The following FHIP1A variants were observed in gnomAD, a reference collection of about 807,000 sequenced individuals.
The protein encoded by FHIP1A is FHF complex subunit HOOK interacting protein 1A, also known as FHF complex subunit HOOK-interacting protein 1A.
A neutral mutation model predicts 88.6 loss-of-function variants in FHIP1A; 61 were observed. The ratio of observed to expected loss-of-function variants is 0.69; its 90% CI spans 0.56 to 0.85. The LOEUF (loss-of-function observed/expected upper bound fraction) is 0.85, where lower values mean the gene tolerates loss of function less well. Among genes scored for constraint, FHIP1A ranks in the 40% least tolerant of loss-of-function variants. FHIP1A has a pLI of 0.00. For synonymous variants in FHIP1A, 478 were observed against 496.0 expected (o/e 0.96, Z 0.48); for missense variants, 1,154 against 1,273.5 (o/e 0.91, Z 1.43).
chr4:151,524,566 C>T (rs1240054789), intron 3 of FHIP1A, among the ~76,000 whole-genome samples: 1 of 152,166 alleles, frequency 6.6e-6, no homozygotes, highest in African/African-American at 2.4e-5. Context: ...GCTGTGCTCT[C>T]AACTTAAAGT....
chr4:151,467,596 T>TGGA (rs1729367606), intron 2 of FHIP1A, among the ~76,000 whole-genome samples: 1 of 152,108 alleles, frequency 6.6e-6, no homozygotes, highest in African/African-American at 2.4e-5. Context: ...AGTGATGGAC[T>TGGA]GGATAAAGAA....
At chr4:151,453,065 G>A (rs904615403) in intron 1 of FHIP1A, among the ~76,000 whole-genome samples, 1 of 151,434 alleles carries the variant, frequency 6.6e-6, no homozygotes, top group South Asian at 2.1e-4. Context: ...TGCCCAGGCT[G>A]GAGTACAGTG....
At chr4:151,493,342 G>A (rs1730349914) in intron 3 of FHIP1A, among the ~76,000 whole-genome samples, 1 of 152,010 alleles carries the variant, frequency 6.6e-6, no homozygotes, top group South Asian at 2.1e-4. Flanking sequence ...TAAAAAAATT[G>A]CCAACAAATA....
At chr4:151,588,810 CT>C in intron 6 of FHIP1A, 29 bp from the exon 7 acceptor site, 4 of 1,400,790 alleles carry the variant, frequency 2.9e-6, no homozygotes, top group Non-Finnish European at 4.0e-6. Flanking sequence ...AACTCTTTGC[CT>C]TTTTCATGCC....
Position 151,428,794 on chromosome 4 carries a change from CT to C in FHIP1A, c.-356+19332del, listed in dbSNP as rs537971000. On this transcript the variant is annotated intron_variant, in intron 1 of 13. Transcript: ENST00000435205. ...TTTCTCTTTTAAAAAGTTGCAGAGC[CT>C]TTGCACACACTGTTGACCATACTTG... is the stretch of plus-strand genomic sequence containing the variant. Among the ~76,000 whole-genome samples, 82 of 152,246 alleles carry C rather than the reference CT, an allele frequency of 5.4e-4. No individual in the cohort carries two copies. In the East Asian group the frequency reaches 0.015, roughly 28 times the overall value.
chr4:151,621,582 TG>T (rs1325638021), intron 7 of FHIP1A, among the ~76,000 whole-genome samples: 2 of 11,404 alleles, frequency 1.8e-4, no homozygotes, highest in African/African-American at 7.2e-4. Context: ...GGGGAGGAGT[TG>T]GGGGGGTTGC....
chr4:151,645,846 G>A (rs1452300160), intron 9 of FHIP1A, among the ~76,000 whole-genome samples: 1 of 151,946 alleles, frequency 6.6e-6, no homozygotes, highest in Non-Finnish European at 1.5e-5. Context: ...CTTGTCCCCA[G>A]GTTCAAAATG....
chr4:151,478,262 A>G (rs1729778088), intron 2 of FHIP1A, among the ~76,000 whole-genome samples: 1 of 152,180 alleles, frequency 6.6e-6, no homozygotes, highest in South Asian at 2.1e-4. Context: ...TATTTGTGTA[A>G]AAAACATTTA....
intron 1 of FHIP1A, among the ~76,000 whole-genome samples, chr4:151,422,979 CTTCTG>C (rs1421075171): frequency 6.6e-6 from 1 of 152,110 alleles, no homozygotes; most frequent in African/African-American, 2.4e-5. Flanking sequence ...TCCTAAAGGC[CTTCTG>C]TTCTGCTTTC....
chr4:151,414,300 G>T (rs780436662), intron 1 of FHIP1A, among the ~76,000 whole-genome samples: 2 of 152,080 alleles, frequency 1.3e-5, no homozygotes, highest in African/African-American at 4.8e-5. Flanking sequence ...TGATCTGCCC[G>T]CCTCGGCCTC....
intron 1 of FHIP1A, among the ~76,000 whole-genome samples, chr4:151,445,545 C>T (rs1728567590): frequency 6.6e-6 from 1 of 151,836 alleles, no homozygotes; most frequent in Non-Finnish European, 1.5e-5. Context: ...CCCTATCCTC[C>T]AGGAGTCACC....
chr4:151,436,234 AC>A (rs1229121277), intron 1 of FHIP1A, among the ~76,000 whole-genome samples: 3 of 152,152 alleles, frequency 2.0e-5, no homozygotes, highest in Non-Finnish European at 4.4e-5. Flanking sequence ...GCCCCACTCA[AC>A]CTTAGCACTG....
intron 3 of FHIP1A, among the ~76,000 whole-genome samples, chr4:151,524,301 CAA>C (rs5862962): frequency 1.3e-3 from 171 of 136,568 alleles, no homozygotes; most frequent in East Asian, 3.0e-3. Flanking sequence ...GAATCTGTCT[CAA>C]AAAAAAAAAA....
chr4:151,641,359 TG>T (rs1398654522), intron 9 of FHIP1A, among the ~76,000 whole-genome samples: 1 of 152,206 alleles, frequency 6.6e-6, no homozygotes, highest in Admixed American at 6.5e-5. Flanking sequence ...TTTTGGAGTA[TG>T]CCACCTCATA....
chr4:151,548,119 T>A (rs1732578240), intron 3 of FHIP1A, among the ~76,000 whole-genome samples: 1 of 152,128 alleles, frequency 6.6e-6, no homozygotes, highest in Non-Finnish European at 1.5e-5. Flanking sequence ...TGGGTCTCCA[T>A]GACTAACCAC....
chr4:151,569,695 A>G (rs1733524123), intron 4 of FHIP1A, among the ~76,000 whole-genome samples: 2 of 152,210 alleles, frequency 1.3e-5, no homozygotes, highest in South Asian at 2.1e-4. Flanking sequence ...CCTCTTTTCC[A>G]GAGCTTGAGT....
At chr4:151,485,282 G>GTTTTTTTTTTTTTTTTTTTT (rs74327398) in intron 3 of FHIP1A, among the ~76,000 whole-genome samples, 10 of 118,730 alleles carry the variant, frequency 8.4e-5, no homozygotes, top group African/African-American at 2.1e-4. Context: ...ATCTTTTCCA[G>GTTTTTTTTTTTTTTTTTTTT]TTTTTTTTTT....
intron 3 of FHIP1A, among the ~76,000 whole-genome samples, chr4:151,499,580 T>G (rs544374523): frequency 1.3e-5 from 2 of 152,238 alleles, no homozygotes; most frequent in Non-Finnish European, 1.5e-5. Context: ...GTTGAACTTA[T>G]GTCTGCATCC....
intron 3 of FHIP1A, among the ~76,000 whole-genome samples, chr4:151,492,604 A>AG (rs1730323095): frequency 6.6e-6 from 1 of 151,880 alleles, no homozygotes; most frequent in Non-Finnish European, 1.5e-5. Context: ...AAAAAAAAAA[A>AG]AAAGAAAATT....
Sources: gnomAD v4.1 joint callset for allele counts (sites outside exome capture counted in the v4.1 genomes callset) on GRCh38, gnomAD v4.1.1 for gene constraint, MANE v1.5 for transcripts, NCBI Gene and HGNC (gene_info 2026-07-23, HGNC 2026-07-21) for gene names.